VPS13B: variants seen among roughly 807,000 people sequenced by gnomAD.
VPS13B encodes the protein intermembrane lipid transfer protein VPS13B.
Under a neutral mutation model 426.4 loss-of-function variants are expected in VPS13B, and 285 were observed. The ratio of observed to expected loss-of-function variants is 0.67; its 90% CI spans 0.61 to 0.74. The LOEUF (loss-of-function observed/expected upper bound fraction) is 0.74. Ranked by LOEUF, VPS13B falls within the 30% of genes least tolerant of loss-of-function variation. The probability of loss-of-function intolerance (pLI) is 0.00; values close to 1 mark genes in which losing one functional copy is unlikely to be tolerated. For synonymous variants in VPS13B, 1,676 were observed against 1,676.4 expected (o/e 1.00, Z 0.01); for missense variants, 4,537 against 4,782.6 (o/e 0.95, Z 1.51).
chr8:99,491,267 G>T (rs1820589600), intron 25 of VPS13B, among the ~76,000 whole-genome samples: 1 of 152,184 alleles, frequency 6.6e-6, no homozygotes, highest in Non-Finnish European at 1.5e-5. Context: ...TGGGTAACCT[G>T]ATCTTTCTGT....
intron 13 of VPS13B, 108 bp downstream of exon 13, chr8:99,143,273 GT>G: frequency 7.1e-7 from 1 of 1,405,832 alleles, no homozygotes; most frequent in Non-Finnish European, 1.0e-6. Context: ...TAATTTGCCT[GT>G]TTGCAAGGAC....
chr8:99,545,713 C>A (rs1478167050), intron 30 of VPS13B, among the ~76,000 whole-genome samples: 2 of 151,974 alleles, frequency 1.3e-5, no homozygotes, highest in Non-Finnish European at 2.9e-5. Context: ...AGGCACTATA[C>A]ACTTAGGATT....
At chr8:99,294,763 TA>T (rs1175852462) in intron 19 of VPS13B, among the ~76,000 whole-genome samples, 2 of 152,200 alleles carry the variant, frequency 1.3e-5, no homozygotes, top group Non-Finnish European at 2.9e-5. Context: ...AGATACTGAA[TA>T]CTGTTGTGTT....
intron 16 of VPS13B, among the ~76,000 whole-genome samples, chr8:99,175,949 G>A (rs1296815810): frequency 6.6e-6 from 1 of 152,132 alleles, no homozygotes; most frequent in Non-Finnish European, 1.5e-5. Flanking sequence ...GCCACCTTTT[G>A]TTGCTACTGC....
intron 40 of VPS13B, among the ~76,000 whole-genome samples, chr8:99,771,568 G>A (rs951659257): frequency 2.6e-5 from 4 of 152,222 alleles, no homozygotes; most frequent in African/African-American, 9.6e-5. Flanking sequence ...GTGTGTGAAT[G>A]TGAAGAAGAA....
chr8:99,478,846 A>G (rs970145097), intron 24 of VPS13B, among the ~76,000 whole-genome samples: 1 of 148,780 alleles, frequency 6.7e-6, no homozygotes, highest in Non-Finnish European at 1.5e-5. Context: ...AAAAAAAAAA[A>G]ACAAGTTTCT....
At chr8:99,538,051 T>A (rs1198538127) in intron 30 of VPS13B, among the ~76,000 whole-genome samples, 1 of 152,190 alleles carries the variant, frequency 6.6e-6, no homozygotes, top group Non-Finnish European at 1.5e-5. Flanking sequence ...ACAGATGCTC[T>A]TTAGGTTTCC....
intron 25 of VPS13B, among the ~76,000 whole-genome samples, chr8:99,491,921 A>C (rs1820626009): frequency 6.6e-6 from 1 of 152,086 alleles, no homozygotes; most frequent in South Asian, 2.1e-4. Flanking sequence ...GAGGACCTGC[A>C]ATTCTTGGAG....
intron 39 of VPS13B, among the ~76,000 whole-genome samples, chr8:99,748,209 T>C (rs1028464581): frequency 6.6e-6 from 1 of 152,052 alleles, no homozygotes; most frequent in Non-Finnish European, 1.5e-5. Context: ...CATTACATTC[T>C]TTCTACCTGA....
At chr8:99,121,641 A>T (rs567818714) in intron 8 of VPS13B, 196 bp downstream of exon 8, 1 of 1,365,386 alleles carries the variant, frequency 7.3e-7, no homozygotes, top group South Asian at 1.9e-5. Context: ...CTGTCTTCTT[A>T]GGGCATTCTC....
chr8:99,453,775 G>A (rs990827134), intron 23 of VPS13B, among the ~76,000 whole-genome samples: 2 of 152,094 alleles, frequency 1.3e-5, no homozygotes, highest in East Asian at 1.9e-4. Flanking sequence ...GAGAGGAGGA[G>A]ACAGAAATAG....
intron 59 of VPS13B, among the ~76,000 whole-genome samples, chr8:99,869,751 G>T (rs1817294696): frequency 6.6e-6 from 1 of 152,222 alleles, no homozygotes; most frequent in Non-Finnish European, 1.5e-5. Context: ...TCTTAGAGCA[G>T]AGCTTCACAT....
At chr8:99,275,396 T>G (rs1234848295) in intron 19 of VPS13B, 142 bp downstream of exon 19, 6 of 762,884 alleles carry the variant, frequency 7.9e-6, no homozygotes, top group African/African-American at 1.8e-5. Context: ...TTTTTCAAAA[T>G]TCAAATGAAG....
chr8:99,655,785 T>A (rs1428009689), intron 34 of VPS13B, among the ~76,000 whole-genome samples: 2 of 152,212 alleles, frequency 1.3e-5, no homozygotes, highest in Non-Finnish European at 2.9e-5. Flanking sequence ...AGAGTTTCAT[T>A]TTGAGTTGGC....
intron 17 of VPS13B, among the ~76,000 whole-genome samples, chr8:99,249,593 TTTTGCAC>T (rs1163279268): frequency 6.6e-6 from 1 of 152,028 alleles, no homozygotes; most frequent in Non-Finnish European, 1.5e-5. Flanking sequence ...CCGGCTAATT[TTTTGCAC>T]TTTTAGTAGA....
chr8:99,804,476 A>G (rs2130771293), intron 43 of VPS13B: 1 of 152,362 alleles, frequency 6.6e-6, no homozygotes, highest in African/African-American at 2.4e-5. Flanking sequence ...GGGGACCGCA[A>G]CTGGGGACTG....
rs149912942 is a variant in VPS13B, at chr8:99,875,971, G to A, written c.*305G>A. On this transcript the variant is annotated 3_prime_UTR_variant, in exon 62 of 62. Transcript: ENST00000357162. ...AAAGATACTTCAAAGTGACAAAAAC[G>A]TGTTCCTTCCCCACTTAGAGACAAT... 230 of 404,934 alleles carry A rather than the reference G, an allele frequency of 5.7e-4. 3 individuals carry two copies. The highest frequency in any genetic ancestry group is 1.8e-3 in the South Asian group (71 of 40,222). 25.1% of individuals were successfully genotyped at this position (404,934 alleles called of 1,614,324 possible). A position where few individuals can be genotyped will look rare whatever the true frequency, so the allele number is the denominator to read the frequency against.
intron 3 of VPS13B, among the ~76,000 whole-genome samples, chr8:99,088,651 C>A (rs1230569322): frequency 1.3e-5 from 2 of 152,170 alleles, no homozygotes; most frequent in Non-Finnish European, 2.9e-5. Flanking sequence ...TCTGCTTTTG[C>A]TCTTGGCCAA....
intron 21 of VPS13B, among the ~76,000 whole-genome samples, chr8:99,420,739 A>C (rs1483549120): frequency 6.6e-6 from 1 of 152,164 alleles, no homozygotes; most frequent in Non-Finnish European, 1.5e-5. Context: ...TATACCATGA[A>C]GAATGTTACG....
Sources: gnomAD v4.1 joint callset for allele counts (sites outside exome capture counted in the v4.1 genomes callset) on GRCh38, gnomAD v4.1.1 for gene constraint, MANE v1.5 for transcripts, NCBI Gene and HGNC (gene_info 2026-07-23, HGNC 2026-07-21) for gene names.